ZFHX3: variants seen among roughly 807,000 people sequenced by gnomAD.
ZFHX3 encodes zinc finger homeobox protein 3.
In ZFHX3, 42 loss-of-function variants were observed where a neutral mutation model predicts 279.1. That is an observed-to-expected ratio of 0.15 (90% confidence interval 0.12 to 0.19). The LOEUF is 0.19. Ranked by LOEUF, ZFHX3 falls within the 10% of genes least tolerant of loss-of-function variation. The probability of loss-of-function intolerance (pLI) is 1.00; values close to 1 mark genes in which losing one functional copy is unlikely to be tolerated. For synonymous variants in ZFHX3, 2,293 were observed against 1,957.8 expected, an observed-to-expected ratio of 1.17 and a Z score of -4.52; for missense variants, 4,981 against 4,754.0, an observed-to-expected ratio of 1.05 and a Z score of -1.40.
intron 4 of ZFHX3, among the ~76,000 whole-genome samples, chr16:72,859,344 G>A (rs1012079516): frequency 6.6e-6 from 1 of 152,146 alleles, no homozygotes; most frequent in Admixed American, 6.5e-5. Flanking sequence ...CTTTGTGGGT[G>A]GAAATGGGGC....
At chr16:73,335,970 T>C (rs74552056) in intron 3 of ZFHX3, among the ~76,000 whole-genome samples, 8,974 of 152,306 alleles carry the variant, frequency 0.059, 350 homozygotes, top group East Asian at 0.11. Flanking sequence ...CAGATTCTTT[T>C]TCTTCTAGTT....
intron 3 of ZFHX3, among the ~76,000 whole-genome samples, chr16:73,346,353 CA>C (rs2143271691): frequency 6.6e-6 from 1 of 152,326 alleles, no homozygotes; most frequent in East Asian, 1.9e-4. Context: ...CATGGATGCA[CA>C]GGGCCCCCTT....
rs189587211 is a variant in ZFHX3 at position 73,493,591 on chromosome 16, C to T, written c.-1546-37333G>A. 5.9e-5 allele frequency among the ~76,000 whole-genome samples: 9 copies of T among 152,306 alleles called. No homozygotes were observed. In the East Asian group the frequency reaches 1.7e-3, roughly 30 times the overall value. On this transcript the variant is annotated intron_variant, in intron 2 of 17. Transcript: ENST00000641206. ...GGCAGGGCCAGGCTGGCCCACTGTACCTGGGAAGGACAGGTTCACATGGTG... is the reference window on the plus strand; with the variant it reads ...GGCAGGGCCAGGCTGGCCCACTGTATCTGGGAAGGACAGGTTCACATGGTG...
chr16:73,186,302 G>GAT (rs1967905921), intron 5 of ZFHX3, among the ~76,000 whole-genome samples: 1 of 152,128 alleles, frequency 6.6e-6, no homozygotes, highest in African/African-American at 2.4e-5. Context: ...GTGCCAAAAA[G>GAT]ATTTGGGACT....
At chr16:73,881,840 G>A (rs1384812937) in intron 1 of ZFHX3, among the ~76,000 whole-genome samples, 1 of 152,012 alleles carries the variant, frequency 6.6e-6, no homozygotes, top group Non-Finnish European at 1.5e-5. Context: ...GTTCTCTGCA[G>A]ATATTACCTG....
At chr16:73,204,349 A>T (rs1317029337) in intron 5 of ZFHX3, among the ~76,000 whole-genome samples, 1 of 152,018 alleles carries the variant, frequency 6.6e-6, no homozygotes, top group Non-Finnish European at 1.5e-5. Context: ...TGTAGGTTCA[A>T]TGGGAGCTCT....
chr16:73,514,224 G>C (rs1456574643), intron 2 of ZFHX3, among the ~76,000 whole-genome samples: 1 of 151,938 alleles, frequency 6.6e-6, no homozygotes, highest in Non-Finnish European at 1.5e-5. Context: ...CCCCAGCCTG[G>C]GTGACAGAGC....
At chr16:72,792,371 G>A (rs1390169595) in intron 9 of ZFHX3, among the ~76,000 whole-genome samples, 1 of 152,188 alleles carries the variant, frequency 6.6e-6, no homozygotes, top group African/African-American at 2.4e-5. Context: ...AAGTAGAACG[G>A]CCATCTTGTT....
intron 2 of ZFHX3, chr16:73,554,245 C>T (rs368583804): frequency 3.3e-5 from 5 of 152,046 alleles, no homozygotes; most frequent in South Asian, 2.1e-4. Flanking sequence ...AAAGATAGAA[C>T]GATTTTTTTT....
At chr16:73,860,147 T>G (rs1279252059) in intron 1 of ZFHX3, among the ~76,000 whole-genome samples, 6 of 152,148 alleles carry the variant, frequency 3.9e-5, no homozygotes, top group African/African-American at 1.4e-4. Flanking sequence ...GTGCCCCTCC[T>G]CCACCTCCAA....
chr16:73,577,310 T>A (rs184715571), intron 2 of ZFHX3, among the ~76,000 whole-genome samples: 1 of 152,332 alleles, frequency 6.6e-6, no homozygotes, highest in Admixed American at 6.5e-5. Context: ...TTACTTTTGG[T>A]GTCTCCTGTA....
chr16:73,456,271 G>C (rs1445215113), intron 2 of ZFHX3: 1 of 152,176 alleles, frequency 6.6e-6, no homozygotes, highest in African/African-American at 2.4e-5. Flanking sequence ...GGAAAGAAAA[G>C]AAATAGATTT....
intron 2 of ZFHX3, among the ~76,000 whole-genome samples, chr16:73,612,635 C>T (rs529777417): frequency 2.0e-5 from 3 of 152,098 alleles, no homozygotes; most frequent in South Asian, 2.1e-4. Flanking sequence ...CAAAACAAAA[C>T]GAGGTGTATT....
chr16:73,335,860 T>C (rs2015902414), intron 3 of ZFHX3, among the ~76,000 whole-genome samples: 2 of 152,244 alleles, frequency 1.3e-5, no homozygotes, highest in Admixed American at 1.3e-4. Context: ...CTATTTGTCC[T>C]CAGCAGTTTG....
At chr16:73,143,707 G>C (rs1476317696) in intron 6 of ZFHX3, 1 of 1,273,928 alleles carries the variant, frequency 7.8e-7, no homozygotes, top group South Asian at 1.2e-5. Context: ...AACTCACCTG[G>C]TATAACATTT....
intron 1 of ZFHX3, among the ~76,000 whole-genome samples, chr16:73,003,518 C>CA (rs879775415): frequency 7.5e-6 from 1 of 133,070 alleles, no homozygotes; most frequent in African/African-American, 2.8e-5. Flanking sequence ...TGAGACCCCC[C>CA]CCTCCCCACC....
At chr16:72,815,132 G>T (rs1350618210) in intron 5 of ZFHX3, among the ~76,000 whole-genome samples, 1 of 152,146 alleles carries the variant, frequency 6.6e-6, no homozygotes, top group African/African-American at 2.4e-5. Flanking sequence ...TTCTGGCAAG[G>T]TGCAGTGGCT....
intron 3 of ZFHX3, among the ~76,000 whole-genome samples, chr16:72,936,416 A>G (rs1960128294): frequency 1.3e-5 from 2 of 152,256 alleles, no homozygotes; most frequent in Non-Finnish European, 2.9e-5. Flanking sequence ...ATGAACAGAC[A>G]AGAAAAATAA....
intron 4 of ZFHX3, among the ~76,000 whole-genome samples, chr16:73,303,739 CT>C (rs142819703): frequency 0.076 from 11,534 of 151,978 alleles, 528 homozygotes; most frequent in Middle Eastern, 0.18. Context: ...ATCTCATTCC[CT>C]TATATACTCC....
Sources: gnomAD v4.1 joint callset for allele counts (sites outside exome capture counted in the v4.1 genomes callset) on GRCh38, gnomAD v4.1.1 for gene constraint, MANE v1.5 for transcripts, NCBI Gene and HGNC (gene_info 2026-07-23, HGNC 2026-07-21) for gene names.